The following CYP39A1 variants were observed in gnomAD, a reference collection of about 807,000 sequenced individuals.
The protein encoded by CYP39A1 is cytochrome P450 family 39 subfamily A member 1, also known as 24-hydroxycholesterol 7-alpha-hydroxylase.
A neutral mutation model predicts 58.1 loss-of-function variants in CYP39A1; 49 were observed. The ratio of observed to expected loss-of-function variants is 0.84; its 90% CI spans 0.67 to 1.07. CYP39A1 has a LOEUF of 1.07. Among genes scored for constraint, CYP39A1 ranks in the 50% least tolerant of loss-of-function variants. CYP39A1 has a pLI of 0.00. For synonymous variants in CYP39A1, 209 were observed against 187.6 expected, an observed-to-expected ratio of 1.11 and a Z score of -0.93; for missense variants, 531 against 539.4, an observed-to-expected ratio of 0.98 and a Z score of 0.16.
chr6:46,587,299 C>T (rs1223771006), intron 9 of CYP39A1, 134 bp from the exon 10 acceptor site: 1 of 681,356 alleles, frequency 1.5e-6, no homozygotes, highest in Admixed American at 2.6e-5. Flanking sequence ...TAATTTTTTC[C>T]ACCCTGTTAT....
chr6:46,620,849 G>A (rs1774912481), intron 7 of CYP39A1, among the ~76,000 whole-genome samples: 1 of 152,018 alleles, frequency 6.6e-6, no homozygotes, highest in Admixed American at 6.6e-5. Context: ...AGACTTCTGT[G>A]GCCACCCATG....
chr6:46,588,233 C>T, intron 8 of CYP39A1, 104 bp from the exon 9 acceptor site: 1 of 435,410 alleles, frequency 2.3e-6, no homozygotes, highest in Non-Finnish European at 4.0e-6. Flanking sequence ...TGAAGATATA[C>T]CTTTTATAAT....
chr6:46,599,256 G>A (rs934963620), intron 7 of CYP39A1, among the ~76,000 whole-genome samples: 5 of 152,126 alleles, frequency 3.3e-5, no homozygotes, highest in South Asian at 4.2e-4. Context: ...TGCAATAAGC[G>A]CTATCACATT....
chr6:46,645,271 T>G (rs752357820), intron 1 of CYP39A1, among the ~76,000 whole-genome samples: 2 of 152,186 alleles, frequency 1.3e-5, no homozygotes, highest in Non-Finnish European at 2.9e-5. Flanking sequence ...TATCTTTATG[T>G]TTTACATTTA....
rs1184186754 is a variant in CYP39A1 at position 46,564,099 on chromosome 6, GTATTTT to G, written c.1251-10251_1251-10246del. On this transcript the variant is annotated intron_variant, in intron 10 of 11. Coordinates refer to ENST00000275016, the MANE Select transcript of CYP39A1 (RefSeq NM_016593.5). The stretch of plus-strand genomic sequence containing the variant: ...GGAGACCTAGTTTGTTTTTTATTTT[GTATTTT>G]TTTTATTTTATTCTATTTTATTCTA... Among the ~76,000 whole-genome samples the G allele has an allele frequency of 1.2e-3, 127 of 103,862 alleles. 4 individuals carry two copies. The highest frequency in any genetic ancestry group is 0.011 in the African/African-American group (124 of 11,446). The allele number at this position is 103,862 out of a possible 152,430, so 68.1% of individuals were successfully genotyped here.
chr6:46,591,945 T>G (rs1187675224), intron 8 of CYP39A1, among the ~76,000 whole-genome samples: 1 of 152,174 alleles, frequency 6.6e-6, no homozygotes, highest in Non-Finnish European at 1.5e-5. Flanking sequence ...TATAACAGGT[T>G]TTAAAGGATA....
At chr6:46,634,046 T>C (rs1775814145) in intron 5 of CYP39A1, among the ~76,000 whole-genome samples, 1 of 152,232 alleles carries the variant, frequency 6.6e-6, no homozygotes, top group African/African-American at 2.4e-5. Flanking sequence ...AAACTTTGTT[T>C]TTATTCAAAT....
At chr6:46,627,031 C>A (rs1170578994) in intron 6 of CYP39A1, among the ~76,000 whole-genome samples, 1 of 152,134 alleles carries the variant, frequency 6.6e-6, no homozygotes, top group Non-Finnish European at 1.5e-5. Flanking sequence ...AACTTACAAT[C>A]ATGGCAGAAG....
chr6:46,620,396 G>A (rs547374306), intron 7 of CYP39A1, among the ~76,000 whole-genome samples: 1 of 152,146 alleles, frequency 6.6e-6, no homozygotes, highest in Non-Finnish European at 1.5e-5. Context: ...AGTATGAAAA[G>A]CCTTTCCTCC....
intron 7 of CYP39A1, among the ~76,000 whole-genome samples, chr6:46,611,675 AT>A: frequency 6.6e-6 from 1 of 152,196 alleles, no homozygotes; most frequent in East Asian, 1.9e-4. Context: ...CATAATCATG[AT>A]TTTTTTTCAA....
intron 7 of CYP39A1, among the ~76,000 whole-genome samples, chr6:46,600,363 T>C (rs1247708796): frequency 6.6e-6 from 1 of 151,998 alleles, no homozygotes; most frequent in Non-Finnish European, 1.5e-5. Context: ...TCTAGTGATC[T>C]GCCCACCTCA....
chr6:46,651,546 G>A (rs554351764), intron 1 of CYP39A1, among the ~76,000 whole-genome samples: 3 of 151,894 alleles, frequency 2.0e-5, no homozygotes, highest in African/African-American at 7.3e-5. Context: ...GTGATATTCT[G>A]GGTTATTTTT....
At chr6:46,593,346 A>G (rs1772955086) in intron 8 of CYP39A1, among the ~76,000 whole-genome samples, 1 of 152,070 alleles carries the variant, frequency 6.6e-6, no homozygotes, top group Non-Finnish European at 1.5e-5. Flanking sequence ...TAGCCCCAAC[A>G]AAAGTTACAA....
chr6:46,585,221 C>G (rs1022905713), intron 10 of CYP39A1, among the ~76,000 whole-genome samples: 1 of 151,920 alleles, frequency 6.6e-6, no homozygotes, highest in African/African-American at 2.4e-5. Context: ...GACCATTGGC[C>G]CATACTACAC....
chr6:46,649,982 G>A (rs1458412225), intron 1 of CYP39A1, among the ~76,000 whole-genome samples: 3 of 152,212 alleles, frequency 2.0e-5, no homozygotes, highest in Non-Finnish European at 2.9e-5. Flanking sequence ...CATAAGTAGT[G>A]TCTTATGCAG....
intron 6 of CYP39A1, among the ~76,000 whole-genome samples, chr6:46,626,216 CA>C (rs1287914637): frequency 6.6e-6 from 1 of 152,098 alleles, no homozygotes; most frequent in African/African-American, 2.4e-5. Flanking sequence ...AAGATAAAAT[CA>C]TACTGCTTTA....
chr6:46,591,105 C>A (rs1409369388), intron 8 of CYP39A1, among the ~76,000 whole-genome samples: 1 of 152,104 alleles, frequency 6.6e-6, no homozygotes. Context: ...AAATATATTT[C>A]TAACTATAAT....
intron 1 of CYP39A1, among the ~76,000 whole-genome samples, chr6:46,650,295 G>C (rs191512258): frequency 1.3e-5 from 2 of 151,804 alleles, no homozygotes; most frequent in Admixed American, 6.6e-5. Context: ...TTGTGGTTAG[G>C]GGGTAGGCTG....
chr6:46,562,933 T>G (rs1016868497), intron 10 of CYP39A1, among the ~76,000 whole-genome samples: 1 of 152,048 alleles, frequency 6.6e-6, no homozygotes, highest in East Asian at 1.9e-4. Flanking sequence ...TTTTCTTTTC[T>G]ACTTTTTAGT....
Sources: allele counts gnomAD v4.1 joint callset (sites outside exome capture counted in the v4.1 genomes callset), GRCh38; gene constraint gnomAD v4.1.1; transcripts MANE v1.5; gene names NCBI Gene and HGNC (gene_info 2026-07-23, HGNC 2026-07-21).